ZNF718: variants seen among roughly 807,000 people sequenced by gnomAD.
ZNF718 encodes the protein zinc finger protein 718.
ZNF718 carries 3 observed loss-of-function variants against 2.6 expected under a neutral mutation model. The ratio of observed to expected loss-of-function variants is 1.16; its 90% CI spans 0.53 to 3.01. The LOEUF is 3.01. Among genes scored for constraint, ZNF718 ranks in the 30% most tolerant of loss-of-function variants. The pLI, the probability that ZNF718 is intolerant of heterozygous loss-of-function variation, is 0.03. For synonymous variants in ZNF718, 135 were observed against 77.9 expected, an observed-to-expected ratio of 1.73 and a Z score of -3.86; for missense variants, 468 against 230.0, an observed-to-expected ratio of 2.03 and a Z score of -6.69.
At chr4:164,872 G>T (rs1317807613), downstream of ZNF718, among the ~76,000 whole-genome samples, 2 of 152,148 alleles carry the variant, frequency 1.3e-5, no homozygotes, top group African/African-American at 4.8e-5. Context: ...TGATAGGTGT[G>T]TAATAGCTGC....
Position 144,610 on chromosome 4 carries a change from T to C in ZNF718, c.226+13105T>C, listed in dbSNP as rs1213270662. Among the ~76,000 whole-genome samples the C allele has an allele frequency of 2.0e-5, 3 of 152,346 alleles. No homozygotes were observed. The East Asian group carries it at 5.8e-4, about 29-fold the overall frequency. ...GATCATTTTGGGTAGTATGAAAATT[T>C]TAATAATACTGATCCTTCCTATTCA... On this transcript the variant is annotated intron_variant, in intron 3 of 3. Transcript: ENST00000510175.
intron 3 of ZNF718, among the ~76,000 whole-genome samples, chr4:190,559 CAATT>C (rs1429753336): frequency 2.7e-5 from 4 of 150,714 alleles, no homozygotes; most frequent in African/African-American, 7.3e-5. Flanking sequence ...ATAAAGTAAA[CAATT>C]AAAGATTAAT....
chr4:185,917 C>T lies in ZNF718; in HGVS notation c.227-15164C>T, dbSNP rs1159072047. Among the ~76,000 whole-genome samples, 5 of 152,216 alleles carry T rather than the reference C, an allele frequency of 3.3e-5. No individual in the cohort carries two copies. In the East Asian group the frequency reaches 5.8e-4, roughly 18 times the overall value. On this transcript the variant is annotated intron_variant and NMD_transcript_variant, in intron 3 of 4. Coordinates refer to the ZNF718 transcript ENST00000642529. The stretch of plus-strand genomic sequence containing the variant: ...GCTTGTGAGATGGGTCTTTTGAAGA[C>T]AGCGTACCAATGGTTCTTTGTACTT...
chr4:161,536 A>C lies in ZNF718; in HGVS notation c.851A>C (p.Lys284Thr). Residue 284 changes from lysine to threonine, a missense_variant, in exon 4 of 4, where the codon AAA (lysine) becomes ACA (threonine). Lys to Thr is a moderately conservative substitution (Grantham distance 78). Transcript: ENST00000510175. ...KRIHSAQKYYKCEECGKAFKW... is the reference protein window; with the variant it reads ...KRIHSAQKYYTCEECGKAFKW... ...ATTCATTCTGCACAAAAATACTACAAATGTGAAGAATGTGGTAAAGCCTTT... is the reference window on the plus strand; with the variant it reads ...ATTCATTCTGCACAAAAATACTACACATGTGAAGAATGTGGTAAAGCCTTT... 1 of 780,688 alleles carries C rather than the reference A, an allele frequency of 1.3e-6. No homozygotes were observed. Among genetic ancestry groups the C allele is most frequent in the Non-Finnish European group, 2.4e-6 (1 of 417,944 alleles). The allele number at this position is 780,688 out of a possible 1,614,324, so 48.4% of individuals were successfully genotyped here.
downstream of ZNF718, among the ~76,000 whole-genome samples, chr4:164,992 T>C (rs531154656): frequency 9.9e-4 from 150 of 152,284 alleles, no homozygotes; most frequent in African/African-American, 3.5e-3. Context: ...TAAGAGGACA[T>C]CTGTTCCCAG....
At position 197,092 on chromosome 4, in the gene ZNF718, A is replaced by G. The variant is rs1196315138; in HGVS notation, c.227-3989A>G. On this transcript the variant is annotated intron_variant and NMD_transcript_variant, in intron 3 of 4. Transcript: ENST00000642529. ...CCATAACAGTAGGAGCTTTTTAAGC[A>G]TGTACTTCAAGAAAAAAGAAACATT... Among the ~76,000 whole-genome samples the G allele has an allele frequency of 2.1e-5, 3 of 140,684 alleles. No individual in the cohort carries two copies. The East Asian group carries it at 6.0e-4, about 28-fold the overall frequency. 92.3% of individuals were successfully genotyped at this position (140,684 alleles called of 152,430 possible).
intron 3 of ZNF718, among the ~76,000 whole-genome samples, chr4:138,936 CTT>C (rs1475256053): frequency 1.3e-5 from 2 of 152,160 alleles, no homozygotes; most frequent in Non-Finnish European, 2.9e-5. Context: ...TGTAGGCTCT[CTT>C]TTGAGAAATT....
chr4:162,722 T>A lies in ZNF718; in HGVS notation c.*600T>A, dbSNP rs1014747183. Reference sequence around the variant, plus strand: ...CCAAACTTTCTTTGACATTAGAGAATTTATATTGGAAAGAAATTTTACAAA... The same window carrying A: ...CCAAACTTTCTTTGACATTAGAGAAATTATATTGGAAAGAAATTTTACAAA... On this transcript the variant is annotated 3_prime_UTR_variant, in exon 4 of 4. Transcript: ENST00000510175. 6.6e-6 allele frequency: 1 copy of A among 152,168 alleles called. No homozygotes were observed. Among genetic ancestry groups the A allele is most frequent in the African/African-American group, 2.4e-5 (1 of 41,442 alleles). 9.4% of individuals were successfully genotyped at this position (152,168 alleles called of 1,614,324 possible). A position where few individuals can be genotyped will look rare whatever the true frequency, so the allele number is the denominator to read the frequency against.
In ZNF718 at chr4:161,254, A is replaced by G. The variant is rs1553815025; in HGVS notation, c.569A>G (p.Lys190Arg). 5.1e-6 allele frequency: 4 copies of G among 778,634 alleles called. No individual in the cohort carries two copies. The highest frequency in any genetic ancestry group is 1.7e-5 in the Admixed American group (1 of 57,856). The allele number at this position is 778,634 out of a possible 1,614,324, so 48.2% of individuals were successfully genotyped here. ...FHVLSRLTQH[K>R]RIHTGENPYT... The stretch of plus-strand genomic sequence containing the variant: ...GTGCTCTCACGCCTAACTCAACACA[A>G]AAGAATTCATACTGGAGAGAACCCC... Residue 190 changes from lysine (K) to arginine (R), a missense_variant, in exon 4 of 4, where the codon AAA becomes AGA. Lys to Arg is a conservative substitution (Grantham distance 26). Transcript: ENST00000510175.
chr4:178,979 T>C (rs1717403688), intron 3 of ZNF718, among the ~76,000 whole-genome samples: 2 of 152,212 alleles, frequency 1.3e-5, no homozygotes, highest in African/African-American at 4.8e-5. Flanking sequence ...TTAATGTTAT[T>C]ATGCTCCTCC....
At chr4:153,135 C>T (rs782293555) in intron 3 of ZNF718, among the ~76,000 whole-genome samples, 1 of 151,454 alleles carries the variant, frequency 6.6e-6, no homozygotes, top group Non-Finnish European at 1.5e-5. Flanking sequence ...TTTTGATTAT[C>T]ATGTAGATAC....
At chr4:137,631 GTATT>G (rs1350437487) in intron 3 of ZNF718, among the ~76,000 whole-genome samples, 20 of 152,014 alleles carry the variant, frequency 1.3e-4, no homozygotes, top group Admixed American at 1.2e-3. Context: ...TTTGCTGTGT[GTATT>G]TATTCTTTGG....
rs1403467265 is a variant in ZNF718, at chr4:130,940, C to G, written c.130+26C>G. 5.2e-5 allele frequency: 16 copies of G among 305,720 alleles called. 4 individuals are homozygous for G. Among genetic ancestry groups the G allele is most frequent in the African/African-American group, 3.3e-4 (12 of 35,970 alleles). The allele number at this position is 305,720 out of a possible 1,614,324, so 18.9% of individuals were successfully genotyped here. On this transcript the variant is annotated intron_variant, in intron 2 of 3. Transcript: ENST00000510175. ...GTAAGGATAACTTTAATATGTAATTCCTAATACTTTTTCAGAATTTCATTT... is the reference window on the plus strand; with the variant it reads ...GTAAGGATAACTTTAATATGTAATTGCTAATACTTTTTCAGAATTTCATTT...
chr4:160,836 C>T (rs1441818408), intron 3 of ZNF718, 76 bp from the exon 4 acceptor site: 2 of 673,698 alleles, frequency 3.0e-6, no homozygotes, highest in Admixed American at 2.3e-5. Context: ...CTGGCTTGAG[C>T]TATAGTGCCT....
intron 3 of ZNF718, among the ~76,000 whole-genome samples, chr4:144,143 C>T (rs1715938600): frequency 6.6e-6 from 1 of 152,186 alleles, no homozygotes; most frequent in Non-Finnish European, 1.5e-5. Context: ...ATTTAAGCTC[C>T]CAAAAATTCT....
At chr4:185,429 C>G (rs539393263) in intron 3 of ZNF718, among the ~76,000 whole-genome samples, 1 of 152,028 alleles carries the variant, frequency 6.6e-6, no homozygotes, top group Non-Finnish European at 1.5e-5. Flanking sequence ...ATTATATGGT[C>G]AATTTTAGAG....
chr4:136,448 G>C (rs375340802), intron 3 of ZNF718: 10 of 522,180 alleles, frequency 1.9e-5, no homozygotes, highest in Non-Finnish European at 3.8e-5. Flanking sequence ...AGAGGAGTTT[G>C]AGACAGGTTG....
chr4:174,851 T>G (rs1239486855), intron 3 of ZNF718, among the ~76,000 whole-genome samples: 1 of 152,182 alleles, frequency 6.6e-6, no homozygotes, highest in Non-Finnish European at 1.5e-5. Context: ...ACCCAGTTAG[T>G]GGCAAAAGCC....
intron 3 of ZNF718, among the ~76,000 whole-genome samples, chr4:145,325 C>G (rs185309157): frequency 6.6e-6 from 1 of 152,048 alleles, no homozygotes. Context: ...TCTTCCCTTG[C>G]GTTTTCTTGA....
Sources: allele counts gnomAD v4.1 joint callset (sites outside exome capture counted in the v4.1 genomes callset), GRCh38; gene constraint gnomAD v4.1.1; transcripts MANE v1.5; gene names NCBI Gene and HGNC (gene_info 2026-07-23, HGNC 2026-07-21).